Variants in PCGF6 observed in about 807,000 individuals in gnomAD.
The protein encoded by PCGF6 is polycomb group ring finger 6, also known as polycomb group RING finger protein 6.
Under a neutral mutation model 45.5 loss-of-function variants are expected in PCGF6, and 24 were observed. The ratio of observed to expected loss-of-function variants is 0.53; its 90% CI spans 0.38 to 0.74. The LOEUF (loss-of-function observed/expected upper bound fraction) is 0.74, where lower values mean the gene tolerates loss of function less well. PCGF6 is among the 30% of genes least tolerant of loss of function. The probability of loss-of-function intolerance (pLI) is 0.00; values close to 1 mark genes in which losing one functional copy is unlikely to be tolerated. For missense variants in PCGF6, 356 were observed against 443.2 expected, an observed-to-expected ratio of 0.80 and a Z score of 1.77; for synonymous variants, 152 against 162.1, an observed-to-expected ratio of 0.94 and a Z score of 0.47.
chr10:103,340,000 AAAAATAC>A lies in PCGF6; in HGVS notation c.782+5017_782+5023del, dbSNP rs1190835183. Among the ~76,000 whole-genome samples, 3 of 129,016 alleles carry A rather than the reference AAAAATAC, an allele frequency of 2.3e-5. No homozygotes were observed. The Admixed American group carries it at 2.5e-4, about 11-fold the overall frequency. The allele number at this position is 129,016 out of a possible 152,430, so 84.6% of individuals were successfully genotyped here. The stretch of plus-strand genomic sequence containing the variant: ...AACAAGGTGAAACCCCGCCTCTACT[AAAAATAC>A]AAAAAAAAAAAAAAAAAAAAAAATT... On this transcript the variant is annotated intron_variant, in intron 6 of 9. Coordinates refer to ENST00000369847, the MANE Select transcript of PCGF6 (RefSeq NM_001011663.2).
intron 6 of PCGF6, among the ~76,000 whole-genome samples, chr10:103,337,981 G>A (rs1456687740): frequency 3.1e-5 from 2 of 63,620 alleles, no homozygotes; most frequent in East Asian, 4.5e-4. Context: ...GGAGAATGGC[G>A]TGAACCCGGG....
chr10:103,342,038 G>A (rs1299113369), intron 6 of PCGF6, among the ~76,000 whole-genome samples: 2 of 150,162 alleles, frequency 1.3e-5, no homozygotes, highest in Non-Finnish European at 1.5e-5. Flanking sequence ...CAATTCAAGC[G>A]ATTCTCCTGT....
chr10:103,324,480 T>C (rs1406400058), intron 8 of PCGF6, among the ~76,000 whole-genome samples: 2 of 151,304 alleles, frequency 1.3e-5, no homozygotes, highest in Non-Finnish European at 2.9e-5. Flanking sequence ...ATATTATGGC[T>C]GGGCGCGGTG....
intron 6 of PCGF6, among the ~76,000 whole-genome samples, chr10:103,340,696 A>G (rs2093277532): frequency 6.6e-6 from 1 of 151,960 alleles, no homozygotes; most frequent in African/African-American, 2.4e-5. Context: ...TCCCGGGCTC[A>G]GTCGATCCTC....
In PCGF6 at chr10:103,326,908, ACT is replaced by A. The variant is rs1484953792; in HGVS notation, c.811-278_811-277del. Among the ~76,000 whole-genome samples the A allele has an allele frequency of 7.9e-5, 12 of 152,268 alleles. No homozygotes were observed. In the East Asian group the frequency reaches 1.7e-3, roughly 22 times the overall value. On this transcript the variant is annotated intron_variant, in intron 7 of 9. Transcript: ENST00000369847. ...TTTAATGTTTCATTGAAAAAACAAA[ACT>A]CAGAGTAAAATTTATTCATTCATTT...
intron 8 of PCGF6, among the ~76,000 whole-genome samples, chr10:103,319,871 T>C (rs1474193301): frequency 1.3e-5 from 2 of 152,154 alleles, no homozygotes; most frequent in African/African-American, 4.8e-5. Context: ...AGTGGTGCGA[T>C]CTCGGCTCAC....
chr10:103,325,460 G>A (rs897029091), intron 8 of PCGF6, among the ~76,000 whole-genome samples: 1 of 152,006 alleles, frequency 6.6e-6, no homozygotes, highest in Non-Finnish European at 1.5e-5. Context: ...TCACCATGTT[G>A]GTCAGGCTGG....
At chr10:103,326,484 TA>T (rs758329276) in intron 8 of PCGF6, 49 bp downstream of exon 8, 2 of 1,224,920 alleles carry the variant, frequency 1.6e-6, no homozygotes, top group Non-Finnish European at 1.1e-6. Flanking sequence ...TACAGTGTGC[TA>T]AAGGTAAGCT....
intron 3 of PCGF6, among the ~76,000 whole-genome samples, 191 bp from the exon 4 acceptor site, chr10:103,347,641 A>T (rs987745446): frequency 5.8e-4 from 88 of 152,310 alleles, no homozygotes; most frequent in Non-Finnish European, 1.2e-3. Flanking sequence ...TGTAATCATA[A>T]GTATTCACAG....
chr10:103,347,904 G>A (rs2093305615), intron 3 of PCGF6, among the ~76,000 whole-genome samples: 1 of 152,148 alleles, frequency 6.6e-6, no homozygotes, highest in Non-Finnish European at 1.5e-5. Flanking sequence ...GGCAGAGACT[G>A]TATTTTGAAC....
In PCGF6 at chr10:103,326,650, T is replaced by C. The variant is rs145874150; in HGVS notation, c.811-18A>G. 4 of 1,592,382 alleles carry C rather than the reference T, an allele frequency of 2.5e-6. No individual in the cohort carries two copies. Among genetic ancestry groups the C allele is most frequent in the Non-Finnish European group, 3.4e-6 (4 of 1,166,146 alleles). On this transcript the variant is annotated intron_variant, in intron 7 of 9. Coordinates refer to ENST00000369847, the MANE Select transcript of PCGF6 (RefSeq NM_001011663.2). ...TCCAATGGCTACAAAAACAGACAGA[T>C]AAAACTATTTTTAGGTTAAATATAC...
chr10:103,326,388 C>G, intron 8 of PCGF6, 146 bp downstream of exon 8: 1 of 238,422 alleles, frequency 4.2e-6, no homozygotes, highest in Non-Finnish European at 6.8e-6. Flanking sequence ...GACTCCATCT[C>G]AAAAAAAAAA....
In PCGF6 at chr10:103,348,762, T is replaced by G. The variant is rs1450849548; in HGVS notation, c.511A>C (p.Lys171Gln). The G allele has an allele frequency of 5.6e-6, 9 of 1,612,398 alleles. 1 individual carries two copies. In the South Asian group the frequency reaches 8.8e-5, roughly 16 times the overall value. The stretch of plus-strand genomic sequence containing the variant: ...GTCTGATGTACTACTATATTGCATT[T>G]TGGACATCTGTTGCTGTAGTAAAAA... ...RHFYYSNRCPKCNIVVHQTQP... is the reference protein window; with the variant it reads ...RHFYYSNRCPQCNIVVHQTQP... The change falls in exon 3 of 10, where the codon AAA becomes CAA. Residue 171 changes from lysine (K) to glutamine (Q), a missense_variant. By Grantham distance (53) the Lys-to-Gln change is moderately conservative. Transcript: ENST00000369847.
At chr10:103,321,900 CTTT>C (rs778526068) in intron 8 of PCGF6, among the ~76,000 whole-genome samples, 2 of 144,544 alleles carry the variant, frequency 1.4e-5, no homozygotes, top group African/African-American at 2.5e-5. Flanking sequence ...TTTCATTTCA[CTTT>C]TTTTTTTTTT....
chr10:103,342,464 C>G (rs944396634), intron 6 of PCGF6, among the ~76,000 whole-genome samples: 1 of 151,456 alleles, frequency 6.6e-6, no homozygotes, highest in African/African-American at 2.4e-5. Context: ...GAACTCCTGA[C>G]CTCGGGTAAT....
At chr10:103,305,461 G>A (rs1211198217) in intron 9 of PCGF6, among the ~76,000 whole-genome samples, 3 of 151,648 alleles carry the variant, frequency 2.0e-5, no homozygotes, top group Non-Finnish European at 2.9e-5. Context: ...AGTAGAGACG[G>A]GGTTTCACCA....
intron 5 of PCGF6, among the ~76,000 whole-genome samples, chr10:103,346,131 G>T (rs138643798): frequency 2.6e-4 from 39 of 151,478 alleles, no homozygotes; most frequent in African/African-American, 9.4e-4. Flanking sequence ...GGAGGCGGAG[G>T]TTGCAGTGAG....
At chr10:103,304,571 T>G (rs1227565346) in intron 9 of PCGF6, among the ~76,000 whole-genome samples, 1 of 151,762 alleles carries the variant, frequency 6.6e-6, no homozygotes, top group African/African-American at 2.4e-5. Context: ...GAACTCCTAA[T>G]CTCAGATGAT....
chr10:103,347,711 AAGG>A (rs2133601362), intron 3 of PCGF6, among the ~76,000 whole-genome samples: 1 of 152,240 alleles, frequency 6.6e-6, no homozygotes, highest in South Asian at 2.1e-4. Flanking sequence ...TGTGTGTGAC[AAGG>A]TCTCACTTTT....
Sources: gnomAD v4.1 joint callset for allele counts (sites outside exome capture counted in the v4.1 genomes callset) on GRCh38, gnomAD v4.1.1 for gene constraint, MANE v1.5 for transcripts, NCBI Gene and HGNC (gene_info 2026-07-23, HGNC 2026-07-21) for gene names.